The following ST7 variants were observed in gnomAD, a reference collection of about 807,000 sequenced individuals.
ST7 encodes suppression of tumorigenicity 7, also known as suppressor of tumorigenicity 7 protein.
A neutral mutation model predicts 78.7 loss-of-function variants in ST7; 28 were observed. That is an observed-to-expected ratio of 0.36 (90% CI 0.26 to 0.49). The LOEUF (loss-of-function observed/expected upper bound fraction) is 0.49, where lower values mean the gene tolerates loss of function less well. Ranked by LOEUF, ST7 falls within the 20% of genes least tolerant of loss-of-function variation. ST7 has a pLI of 0.99. For missense variants in ST7, 418 were observed against 696.0 expected (o/e 0.60, Z 4.49); for synonymous variants, 247 against 249.6 (o/e 0.99, Z 0.10).
chr7:117,054,630 G>A (rs907388655), intron 1 of ST7, among the ~76,000 whole-genome samples: 4 of 152,216 alleles, frequency 2.6e-5, no homozygotes, highest in African/African-American at 9.6e-5. Context: ...TGCTTGAGGT[G>A]TGGGCTTTGG....
At chr7:117,068,914 G>A (rs912889630) in intron 1 of ST7, among the ~76,000 whole-genome samples, 1 of 152,212 alleles carries the variant, frequency 6.6e-6, no homozygotes, top group Non-Finnish European at 1.5e-5. Context: ...CCAGAACCCA[G>A]TGCCAGGATT....
intron 1 of ST7, among the ~76,000 whole-genome samples, chr7:116,985,691 G>A (rs1794161099): frequency 6.6e-6 from 1 of 152,200 alleles, no homozygotes; most frequent in African/African-American, 2.4e-5. Flanking sequence ...GGGATCAGAG[G>A]AAAAGGTGAT....
At chr7:117,152,992 G>A (rs1348842728) in intron 9 of ST7, among the ~76,000 whole-genome samples, 3 of 152,156 alleles carry the variant, frequency 2.0e-5, no homozygotes, top group African/African-American at 7.2e-5. Context: ...GTTTAATTTA[G>A]TGGGTCCCGG....
chr7:117,126,305 G>A (rs533764037), intron 3 of ST7, among the ~76,000 whole-genome samples: 1 of 151,920 alleles, frequency 6.6e-6, no homozygotes, highest in South Asian at 2.1e-4. Context: ...TAAATTGGGT[G>A]TAGAATAATA....
intron 1 of ST7, among the ~76,000 whole-genome samples, chr7:117,003,050 C>T (rs1795011934): frequency 6.6e-6 from 1 of 152,016 alleles, no homozygotes; most frequent in South Asian, 2.1e-4. Context: ...TCTCGAACTC[C>T]TGCCCTCAGG....
At chr7:117,053,856 T>C (rs1797921965) in intron 1 of ST7, among the ~76,000 whole-genome samples, 2 of 152,000 alleles carry the variant, frequency 1.3e-5, no homozygotes, top group South Asian at 4.2e-4. Flanking sequence ...GACGGTTTTT[T>C]TTTTTTTAAG....
intron 1 of ST7, chr7:117,090,685 G>A (rs1800544103): frequency 6.0e-6 from 1 of 166,756 alleles, no homozygotes; most frequent in South Asian, 2.1e-4. Context: ...ATAAATGAAA[G>A]CATATTTTAA....
chr7:117,121,258 A>G (rs1337786568), intron 3 of ST7, among the ~76,000 whole-genome samples: 1 of 152,214 alleles, frequency 6.6e-6, no homozygotes, highest in Non-Finnish European at 1.5e-5. Flanking sequence ...CTAGCTGGAT[A>G]AAGTAATGTT....
At chr7:117,124,798 A>C (rs995474107) in intron 3 of ST7, among the ~76,000 whole-genome samples, 4 of 152,298 alleles carry the variant, frequency 2.6e-5, no homozygotes, top group African/African-American at 9.6e-5. Context: ...AAATGAGGTC[A>C]TGTGGAAATG....
chr7:117,074,007 A>C (rs1799162616), intron 1 of ST7: 2 of 152,214 alleles, frequency 1.3e-5, no homozygotes. Context: ...AATTAAGAAA[A>C]AAATTACACT....
intron 9 of ST7, among the ~76,000 whole-genome samples, chr7:117,143,365 A>G (rs1805486046): frequency 6.6e-6 from 1 of 152,080 alleles, no homozygotes; most frequent in Non-Finnish European, 1.5e-5. Context: ...TTCTTGAAAC[A>G]TTTTATTTAC....
chr7:117,162,053 A>G (rs1429097242), intron 9 of ST7, among the ~76,000 whole-genome samples: 1 of 152,186 alleles, frequency 6.6e-6, no homozygotes, highest in Non-Finnish European at 1.5e-5. Flanking sequence ...GGTGACTTGT[A>G]TATGCAGTTG....
intron 3 of ST7, among the ~76,000 whole-genome samples, chr7:117,125,078 G>A (rs1285119712): frequency 1.3e-5 from 2 of 152,134 alleles, no homozygotes; most frequent in Admixed American, 6.6e-5. Flanking sequence ...TCTAATGGAT[G>A]TGTTGAAAGT....
At position 117,046,105 on chromosome 7, in the gene ST7, C is replaced by T. The variant is rs549041932; in HGVS notation, c.152-53657C>T. ...GGGAAATTATGTACCTTGCTGAAAA[C>T]CAGCTTCCCTGTAAGTGGTATAAGG... On this transcript the variant is annotated intron_variant, in intron 1 of 15. Transcript: ENST00000323984. 5.9e-5 allele frequency among the ~76,000 whole-genome samples: 9 copies of T among 152,242 alleles called. No homozygotes were observed. The East Asian group carries it at 1.7e-3, about 29-fold the overall frequency.
intron 2 of ST7, chr7:117,117,866 C>G (rs1205306451): frequency 6.6e-6 from 1 of 152,160 alleles, no homozygotes; most frequent in South Asian, 2.1e-4. Flanking sequence ...TTTCCACTTA[C>G]AGTTGAAGAA....
intron 2 of ST7, among the ~76,000 whole-genome samples, chr7:117,100,510 T>C (rs553658277): frequency 6.6e-6 from 1 of 152,044 alleles, no homozygotes. Context: ...AAATGGAATA[T>C]TGTACAAAAT....
rs763657864 is a variant in ST7 at position 117,119,648 on chromosome 7, G to A, written c.322G>A (p.Val108Ile). The change falls in exon 3 of 16, where the codon GTT becomes ATT. Residue 108 changes from valine to isoleucine, a missense_variant. Physicochemically the swap from Val to Ile is conservative, Grantham distance 29. Coordinates refer to ENST00000323984, the MANE Select transcript of ST7 (RefSeq NM_001369598.1). Reference protein sequence around the residue: ...VSHLRPLLGGVDNNSSNNSNS... With the variant: ...VSHLRPLLGGIDNNSSNNSNS... ...CCACTTGCGCCCCCTTCTGGGAGGGGTTGACAACAACTCTTCCAACAATTC... is the reference window on the plus strand; with the variant it reads ...CCACTTGCGCCCCCTTCTGGGAGGGATTGACAACAACTCTTCCAACAATTC... 2 of 1,613,930 alleles carry A rather than the reference G, an allele frequency of 1.2e-6. No homozygotes were observed. Among genetic ancestry groups the A allele is most frequent in the Non-Finnish European group, 1.7e-6 (2 of 1,180,002 alleles).
At chr7:117,163,653 G>A (rs556923110) in intron 9 of ST7, among the ~76,000 whole-genome samples, 3 of 152,022 alleles carry the variant, frequency 2.0e-5, no homozygotes, top group African/African-American at 7.2e-5. Flanking sequence ...TTGTTGTTTT[G>A]CTGTTGAGAT....
At chr7:117,225,420 C>T (rs549356721) in intron 15 of ST7, among the ~76,000 whole-genome samples, 1 of 152,304 alleles carries the variant, frequency 6.6e-6, no homozygotes, top group African/African-American at 2.4e-5. Context: ...TCACATTTAT[C>T]TTGCCCTTCA....
Sources: gnomAD v4.1 joint callset for allele counts (sites outside exome capture counted in the v4.1 genomes callset) on GRCh38, gnomAD v4.1.1 for gene constraint, MANE v1.5 for transcripts, NCBI Gene and HGNC (gene_info 2026-07-23, HGNC 2026-07-21) for gene names.